The following ZFHX3 variants were observed in gnomAD, a reference collection of about 807,000 sequenced individuals.
The protein encoded by ZFHX3 is zinc finger homeobox protein 3.
Under a neutral mutation model 279.1 loss-of-function variants are expected in ZFHX3, and 42 were observed. The ratio of observed to expected loss-of-function variants is 0.15; its 90% CI spans 0.12 to 0.19. The LOEUF is 0.19. Among genes scored for constraint, ZFHX3 ranks in the 10% least tolerant of loss-of-function variants. The pLI is 1.00. For missense variants in ZFHX3, 4,981 were observed against 4,754.0 expected, an observed-to-expected ratio of 1.05 and a Z score of -1.40; for synonymous variants, 2,293 against 1,957.8, an observed-to-expected ratio of 1.17 and a Z score of -4.52.
At chr16:73,666,017 C>T (rs1026533566) in intron 2 of ZFHX3, among the ~76,000 whole-genome samples, 2 of 151,394 alleles carry the variant, frequency 1.3e-5, no homozygotes, top group African/African-American at 4.9e-5. Context: ...AGGATTTCAC[C>T]GTGTTAGCCA....
At chr16:73,605,201 T>C (rs1162695616) in intron 2 of ZFHX3, among the ~76,000 whole-genome samples, 1 of 152,206 alleles carries the variant, frequency 6.6e-6, no homozygotes, top group Admixed American at 6.5e-5. Flanking sequence ...AATGGAACCA[T>C]GTCTAGCAAC....
chr16:73,449,193 T>G (rs1344990235), intron 3 of ZFHX3, among the ~76,000 whole-genome samples: 6 of 152,216 alleles, frequency 3.9e-5, no homozygotes, highest in East Asian at 1.9e-4. Flanking sequence ...GAAAGTGTGA[T>G]TCCTCAAATT....
chr16:72,878,156 C>G (rs2038364334), intron 4 of ZFHX3, among the ~76,000 whole-genome samples: 1 of 152,084 alleles, frequency 6.6e-6, no homozygotes, highest in Admixed American at 6.6e-5. Context: ...GCACTCCAGC[C>G]TGTGTAAAGA....
At chr16:73,339,810 C>T (rs1049927308) in intron 3 of ZFHX3, among the ~76,000 whole-genome samples, 5 of 152,166 alleles carry the variant, frequency 3.3e-5, no homozygotes, top group South Asian at 2.1e-4. Context: ...GGGGCATCAG[C>T]GGCTCCTTCA....
At chr16:73,282,532 T>C (rs2014483317) in intron 4 of ZFHX3, among the ~76,000 whole-genome samples, 1 of 152,244 alleles carries the variant, frequency 6.6e-6, no homozygotes, top group Non-Finnish European at 1.5e-5. Flanking sequence ...ACTTTTTGAC[T>C]GTCTTCCATA....
intron 3 of ZFHX3, among the ~76,000 whole-genome samples, chr16:73,451,731 G>T (rs80041480): frequency 0.058 from 8,886 of 152,222 alleles, 349 homozygotes; most frequent in Middle Eastern, 0.082. Context: ...CCAGATGGGA[G>T]ATCCTTAGGT....
chr16:73,835,722 C>T (rs1487217800), intron 1 of ZFHX3, among the ~76,000 whole-genome samples: 6 of 152,080 alleles, frequency 3.9e-5, no homozygotes, highest in Admixed American at 2.6e-4. Context: ...CCACCTGCCT[C>T]GGCCTTCCAG....
At chr16:73,136,915 A>G (rs34638796) in intron 6 of ZFHX3, among the ~76,000 whole-genome samples, 120 of 150,954 alleles carry the variant, frequency 7.9e-4, no homozygotes, top group Non-Finnish European at 1.5e-3. Flanking sequence ...TTGGAGCAGC[A>G]TAAGCCTCCT....
chr16:72,826,584 G>A (rs940976551), intron 5 of ZFHX3, among the ~76,000 whole-genome samples: 2 of 152,060 alleles, frequency 1.3e-5, no homozygotes, highest in African/African-American at 2.4e-5. Context: ...AGATCAAATC[G>A]GCCCAAGTAC....
chr16:73,644,565 G>C (rs768971925), intron 2 of ZFHX3, among the ~76,000 whole-genome samples: 5 of 152,180 alleles, frequency 3.3e-5, no homozygotes, highest in Non-Finnish European at 7.3e-5. Context: ...AGAGGCTGAG[G>C]TAGGAAAATT....
intron 2 of ZFHX3, among the ~76,000 whole-genome samples, chr16:73,492,719 G>T (rs577855736): frequency 6.6e-6 from 1 of 152,168 alleles, no homozygotes; most frequent in Admixed American, 6.5e-5. Flanking sequence ...ATGTTTCACC[G>T]TTATTTATCT....
At chr16:73,873,875 G>C (rs1266113719) in intron 1 of ZFHX3, among the ~76,000 whole-genome samples, 1 of 151,588 alleles carries the variant, frequency 6.6e-6, no homozygotes, top group Non-Finnish European at 1.5e-5. Flanking sequence ...CTGACCTTCA[G>C]ATAAAAATCA....
intron 3 of ZFHX3, among the ~76,000 whole-genome samples, chr16:72,890,776 GT>G (rs1470625003): frequency 2.0e-5 from 3 of 152,208 alleles, no homozygotes; most frequent in Non-Finnish European, 4.4e-5. Context: ...CCCACTGCCT[GT>G]TTTTGTAAAT....
intron 1 of ZFHX3, among the ~76,000 whole-genome samples, chr16:73,056,147 C>T (rs1965551815): frequency 6.6e-6 from 1 of 152,122 alleles, no homozygotes; most frequent in South Asian, 2.1e-4. Flanking sequence ...GCAGTCTTTT[C>T]AAAACTGACT....
chr16:73,364,755 G>A (rs182728924), intron 3 of ZFHX3, among the ~76,000 whole-genome samples: 19 of 152,284 alleles, frequency 1.2e-4, no homozygotes, highest in Admixed American at 3.3e-4. Flanking sequence ...CCCTGCGACC[G>A]TGTGGTTCCA....
chr16:73,716,639 ACACACACACACGCATGCACG>A (rs1044629833), intron 1 of ZFHX3, among the ~76,000 whole-genome samples: 4 of 137,984 alleles, frequency 2.9e-5, no homozygotes, highest in African/African-American at 1.0e-4. Context: ...ACACACACAC[ACACACACACACGCATGCACG>A]CACGCACAGA....
At position 73,783,112 on chromosome 16, in the gene ZFHX3, C is replaced by T. The variant is rs116923524; in HGVS notation, c.-1607-102872G>A. Among the ~76,000 whole-genome samples the T allele has an allele frequency of 5.8e-4, 89 of 152,296 alleles. No individual in the cohort carries two copies. The East Asian group carries it at 0.016, about 28-fold the overall frequency. On this transcript the variant is annotated intron_variant, in intron 1 of 17. Coordinates refer to the ZFHX3 transcript ENST00000641206. ...CAGCTTCATGTCTAAGGCACTTATT[C>T]TCCAGCTGCCCGGAGAGTTGGCTTT...
intron 5 of ZFHX3, among the ~76,000 whole-genome samples, chr16:73,150,220 G>C (rs1416891880): frequency 2.6e-5 from 4 of 152,198 alleles, no homozygotes; most frequent in Non-Finnish European, 4.4e-5. Flanking sequence ...AGACCAAGGT[G>C]CATAGGGGCT....
intron 3 of ZFHX3, among the ~76,000 whole-genome samples, chr16:73,416,122 C>CAAAAAAAAAAAAAAAA (rs1234376040): frequency 1.3e-5 from 1 of 74,838 alleles, no homozygotes; most frequent in African/African-American, 3.7e-5. Flanking sequence ...GACTCCATCT[C>CAAAAAAAAAAAAAAAA]AAAAAAAAAA....
Sources: allele counts gnomAD v4.1 joint callset (sites outside exome capture counted in the v4.1 genomes callset), GRCh38; gene constraint gnomAD v4.1.1; transcripts MANE v1.5; gene names NCBI Gene and HGNC (gene_info 2026-07-23, HGNC 2026-07-21).